Variants in CASP6 observed in about 807,000 individuals in gnomAD.
The protein encoded by CASP6 is caspase-6.
CASP6 carries 20 observed loss-of-function variants against 31.8 expected under a neutral mutation model. That is an observed-to-expected ratio of 0.63 (90% CI 0.44 to 0.91). CASP6 has a LOEUF of 0.91. CASP6 is among the 40% of genes least tolerant of loss of function. The pLI is 0.00. For missense variants in CASP6, 328 were observed against 361.1 expected (o/e 0.91, Z 0.74); for synonymous variants, 130 against 127.8 (o/e 1.02, Z -0.12).
chr4:109,707,683 TCTC>T (rs1419336699), upstream of CASP6, among the ~76,000 whole-genome samples: 1 of 152,088 alleles, frequency 6.6e-6, no homozygotes, highest in Non-Finnish European at 1.5e-5. Context: ...ACACCTGGCT[TCTC>T]CTGGATTTTT....
At chr4:109,681,556 G>A in the CASP6 span, 5 of 413,300 alleles carry the variant, frequency 1.2e-5, no homozygotes, top group East Asian at 7.5e-5. Flanking sequence ...TCTAAGGAAC[G>A]GAATCTTGGG....
downstream of CASP6, among the ~76,000 whole-genome samples, chr4:109,686,231 G>A (rs1462412074): frequency 6.6e-6 from 1 of 152,130 alleles, no homozygotes; most frequent in African/African-American, 2.4e-5. Flanking sequence ...TCCGCCTCCT[G>A]GGTTCAAGTG....
chr4:109,706,396 A>T (rs1730620590), upstream of CASP6, among the ~76,000 whole-genome samples: 1 of 151,704 alleles, frequency 6.6e-6, no homozygotes, highest in African/African-American at 2.4e-5. Flanking sequence ...TCATGATAAA[A>T]CTTTGATAGA....
In CASP6 at chr4:109,694,654, G is replaced by A. The variant is rs772800303; in HGVS notation, c.354C>T (p.Phe118=). 1.2e-5 allele frequency: 19 copies of A among 1,611,168 alleles called. No homozygotes were observed. The South Asian group carries it at 1.9e-4, about 16-fold the overall frequency. ...TGTGATTGCCTTCGCCATGGCTCAG[G>A]AAGACACACACAAAGCAATCGGCAT... ...HADADCFVCV[F]LSHGEGNHIY... is the part of the protein sequence containing the mutation. The change falls in exon 5 of 7, where the codon TTC becomes TTT. Residue 118 remains phenylalanine, a synonymous_variant. Transcript: ENST00000265164.
intron 1 of CASP6, among the ~76,000 whole-genome samples, chr4:109,701,992 C>T (rs1730434715): frequency 6.6e-6 from 1 of 152,220 alleles, no homozygotes; most frequent in Non-Finnish European, 1.5e-5. Flanking sequence ...TCTTCATTCA[C>T]TGCACTCTCT....
the CASP6 span, among the ~76,000 whole-genome samples, chr4:109,666,570 C>T: frequency 6.6e-6 from 1 of 152,118 alleles, no homozygotes; most frequent in Non-Finnish European, 1.5e-5. Context: ...TCTTCATACG[C>T]CTATTTGCCA....
At chr4:109,671,873 C>G in the CASP6 span, among the ~76,000 whole-genome samples, 1 of 152,092 alleles carries the variant, frequency 6.6e-6, no homozygotes, top group African/African-American at 2.4e-5. Flanking sequence ...TTTTATGTGG[C>G]TAGGAGTTAG....
At chr4:109,703,950 T>C (rs372941750), upstream of CASP6, among the ~76,000 whole-genome samples, 6 of 152,324 alleles carry the variant, frequency 3.9e-5, no homozygotes, top group South Asian at 8.3e-4. Flanking sequence ...TTTTCATTGT[T>C]ATTATGTCTG....
chr4:109,706,026 AT>A (rs1484720136), upstream of CASP6, among the ~76,000 whole-genome samples: 103 of 109,062 alleles, frequency 9.4e-4, no homozygotes, highest in African/African-American at 4.1e-3. Context: ...ATATATATAT[AT>A]ATATAATATA....
downstream of CASP6, chr4:109,687,479 T>C: frequency 6.9e-7 from 1 of 1,455,526 alleles, no homozygotes. Flanking sequence ...GTTTCTCTTC[T>C]TTCTGATCAC....
upstream of CASP6, among the ~76,000 whole-genome samples, chr4:109,708,047 A>G (rs1309258085): frequency 6.6e-6 from 1 of 152,210 alleles, no homozygotes; most frequent in Non-Finnish European, 1.5e-5. Flanking sequence ...CACTTCTAAT[A>G]TATTAAAATA....
chr4:109,708,699 A>G, the CASP6 span, among the ~76,000 whole-genome samples: 3,284 of 152,332 alleles, frequency 0.022, 113 homozygotes, highest in African/African-American at 0.075. Flanking sequence ...TTTTTTCTCC[A>G]TAAGTATCTT....
At chr4:109,703,692 C>A (rs913086788), upstream of CASP6, 4 of 488,452 alleles carry the variant, frequency 8.2e-6, no homozygotes, top group African/African-American at 8.1e-5. Flanking sequence ...GGGGACATGC[C>A]AGTTGCCACC....
Position 109,694,712 on chromosome 4 carries a change from C to G in CASP6, c.308-12G>C. 1.3e-6 allele frequency: 2 copies of G among 1,525,954 alleles called. No individual in the cohort carries two copies. Among genetic ancestry groups the G allele is most frequent in the Non-Finnish European group, 1.8e-6 (2 of 1,138,230 alleles). 94.5% of individuals were successfully genotyped at this position (1,525,954 alleles called of 1,614,324 possible). A position where few individuals can be genotyped will look rare whatever the true frequency, so the allele number is the denominator to read the frequency against. ...GCTAACAGTTGACACTATAAAGGACCCAAAAGAGAATATAGAAATGAAAAT... is the reference window on the plus strand; with the variant it reads ...GCTAACAGTTGACACTATAAAGGACGCAAAAGAGAATATAGAAATGAAAAT... On this transcript the variant is annotated splice_polypyrimidine_tract_variant and intron_variant, in intron 4 of 6. Transcript: ENST00000265164.
chr4:109,706,424 C>T (rs559218753), upstream of CASP6, among the ~76,000 whole-genome samples: 4 of 151,750 alleles, frequency 2.6e-5, no homozygotes, highest in South Asian at 2.1e-4. Context: ...ATGCTTTTTA[C>T]GGATGAGCAA....
At chr4:109,673,048 A>G in the CASP6 span, among the ~76,000 whole-genome samples, 1 of 152,262 alleles carries the variant, frequency 6.6e-6, no homozygotes, top group South Asian at 2.1e-4. Flanking sequence ...ACTCATTTCA[A>G]CACTTACAAA....
intron 5 of CASP6, among the ~76,000 whole-genome samples, chr4:109,691,558 C>T (rs1344233583): frequency 6.6e-6 from 1 of 152,144 alleles, no homozygotes; most frequent in Non-Finnish European, 1.5e-5. Flanking sequence ...TTCTGACTCA[C>T]TCAGAATTTA....
intron 1 of CASP6, among the ~76,000 whole-genome samples, chr4:109,702,261 T>G (rs893466756): frequency 1.3e-5 from 2 of 152,188 alleles, no homozygotes; most frequent in African/African-American, 4.8e-5. Flanking sequence ...CACCATTTCC[T>G]TTGTGCAGCA....
the CASP6 span, among the ~76,000 whole-genome samples, chr4:109,670,374 C>T: frequency 2.6e-5 from 4 of 151,868 alleles, no homozygotes; most frequent in Middle Eastern, 3.2e-3. Context: ...AAATCCCAAT[C>T]GGTTAGGCTC....
Sources: gnomAD v4.1 joint callset for allele counts (sites outside exome capture counted in the v4.1 genomes callset) on GRCh38, gnomAD v4.1.1 for gene constraint, MANE v1.5 for transcripts, NCBI Gene and HGNC (gene_info 2026-07-23, HGNC 2026-07-21) for gene names.